The following ZNF678 variants were observed in gnomAD, a reference collection of about 807,000 sequenced individuals.
The protein encoded by ZNF678 is zinc finger protein 678.
ZNF678 carries 5 observed loss-of-function variants against 3.0 expected under a neutral mutation model. The observed-to-expected ratio is 1.69, with a 90% confidence interval of 0.88 to 3.56. ZNF678 has a LOEUF of 3.56. Ranked by LOEUF, ZNF678 falls within the 30% of genes most tolerant of loss-of-function variation. The pLI, the probability that ZNF678 is intolerant of heterozygous loss-of-function variation, is 0.00. For missense variants in ZNF678, 593 were observed against 605.0 expected (o/e 0.98, Z 0.21); for synonymous variants, 218 against 199.6 (o/e 1.09, Z -0.78).
intron 2 of ZNF678, among the ~76,000 whole-genome samples, chr1:227,649,428 A>G (rs913065140): frequency 8.5e-5 from 13 of 152,054 alleles, no homozygotes; most frequent in African/African-American, 2.9e-4. Flanking sequence ...TCAGCTCACT[A>G]TGACCTCCAC....
intron 1 of ZNF678, among the ~76,000 whole-genome samples, chr1:227,585,204 G>C (rs970122223): frequency 3.3e-5 from 5 of 152,176 alleles, no homozygotes; most frequent in African/African-American, 9.7e-5. Flanking sequence ...TTTCTGTCTA[G>C]ATCTGTTATG....
chr1:227,655,267 T>C lies in ZNF678; in HGVS notation c.1017T>C (p.His339=). The change falls in exon 4 of 4, where the codon CAT becomes CAC. Residue 339 remains histidine (H), a synonymous_variant. Transcript: ENST00000343776. The part of the protein sequence containing the change: ...TFNRCSHLSS[H]KRIHTGEKPY... ...ATCGGTGTTCACACCTAAGTAGCCA[T>C]AAGAGAATTCATACTGGAGAGAAAC... The C allele has an allele frequency of 6.2e-7, 1 of 1,612,306 alleles. No homozygotes were observed. Among genetic ancestry groups the C allele is most frequent in the Non-Finnish European group, 8.5e-7 (1 of 1,179,060 alleles).
intron 5 of ZNF678, among the ~76,000 whole-genome samples, chr1:227,671,273 C>T (rs913896510): frequency 2.6e-5 from 4 of 151,876 alleles, no homozygotes; most frequent in African/African-American, 9.7e-5. Flanking sequence ...AGAGACAGGA[C>T]CTTGCCATGT....
In ZNF678 at chr1:227,655,293, C is replaced by G. The variant is rs745468675; in HGVS notation, c.1043C>G (p.Pro348Arg). Residue 348 changes from proline to arginine, a missense_variant, in exon 4 of 4, where the codon CCC becomes CGC. By Grantham distance (103) the Pro-to-Arg change is moderately radical. Transcript: ENST00000343776. The part of the protein sequence containing the change: ...SHKRIHTGEK[P>R]YKCEECGRTF... Reference sequence around the variant, plus strand: ...AAGAGAATTCATACTGGAGAGAAACCCTACAAATGTGAAGAATGTGGCAGA... The same window carrying G: ...AAGAGAATTCATACTGGAGAGAAACGCTACAAATGTGAAGAATGTGGCAGA... 3.7e-6 allele frequency: 6 copies of G among 1,611,146 alleles called. No individual in the cohort carries two copies. Among genetic ancestry groups the G allele is most frequent in the Non-Finnish European group, 5.1e-6 (6 of 1,178,220 alleles).
chr1:227,660,952 T>C lies in ZNF678; in HGVS notation c.*5124T>C, dbSNP rs1659388814. 6.6e-6 allele frequency: 1 copy of C among 152,182 alleles called. No individual in the cohort carries two copies. The highest frequency in any genetic ancestry group is 6.5e-5 in the Admixed American group (1 of 15,268). 9.4% of individuals were successfully genotyped at this position (152,182 alleles called of 1,614,324 possible). A position where few individuals can be genotyped will look rare whatever the true frequency, so the allele number is the denominator to read the frequency against. Reference sequence around the variant, plus strand: ...CTAAAATTCTTTTTCTGCATTCACTTAAAAGTTATAATTGGTTCTGAGATC... The same window carrying C: ...CTAAAATTCTTTTTCTGCATTCACTCAAAAGTTATAATTGGTTCTGAGATC... On this transcript the variant is annotated 3_prime_UTR_variant, in exon 4 of 4. Coordinates refer to ENST00000343776, the MANE Select transcript of ZNF678 (RefSeq NM_001367909.1).
chr1:227,637,629 C>T (rs1658712954), intron 1 of ZNF678, among the ~76,000 whole-genome samples: 1 of 152,026 alleles, frequency 6.6e-6, no homozygotes, highest in African/African-American at 2.4e-5. Flanking sequence ...GGACGGGGGC[C>T]TGAAATGAGA....
intron 1 of ZNF678, among the ~76,000 whole-genome samples, chr1:227,573,742 A>T (rs983595586): frequency 2.5e-5 from 3 of 122,412 alleles, no homozygotes; most frequent in African/African-American, 1.0e-4. Context: ...GTGTCATGGG[A>T]GCTTGTTGTA....
At chr1:227,578,661 C>T (rs886945230) in intron 1 of ZNF678, among the ~76,000 whole-genome samples, 5 of 152,120 alleles carry the variant, frequency 3.3e-5, no homozygotes, top group Admixed American at 6.5e-5. Flanking sequence ...TGATTTTTAG[C>T]TTTCTTGCAT....
At chr1:227,632,893 T>C (rs947609794) in intron 1 of ZNF678, among the ~76,000 whole-genome samples, 1 of 152,214 alleles carries the variant, frequency 6.6e-6, no homozygotes, top group African/African-American at 2.4e-5. Context: ...CCTGGGGTTC[T>C]TGGCCTCATG....
At chr1:227,678,199 T>C (rs1659715221), downstream of ZNF678, among the ~76,000 whole-genome samples, 1 of 152,148 alleles carries the variant, frequency 6.6e-6, no homozygotes, top group Non-Finnish European at 1.5e-5. Context: ...CTGGGTCGAA[T>C]TGGTCAAATT....
intron 1 of ZNF678, among the ~76,000 whole-genome samples, chr1:227,640,395 G>T (rs1392971951): frequency 6.6e-6 from 1 of 151,958 alleles, no homozygotes; most frequent in Non-Finnish European, 1.5e-5. Context: ...TGGGAGGGGT[G>T]GGCAGCAGTC....
rs1367266548 is a variant in ZNF678, at chr1:227,661,667, A to G, written c.*5839A>G. On this transcript the variant is annotated 3_prime_UTR_variant, in exon 4 of 4. Transcript: ENST00000343776. ...AAGTTCAGCTCAGAGAGCTGCAGGA[A>G]CATTGGGGACATCTCCAAGTCACAG... The G allele has an allele frequency of 6.6e-6, 1 of 152,162 alleles. No individual in the cohort carries two copies. The highest frequency in any genetic ancestry group is 6.5e-5 in the Admixed American group (1 of 15,282). 9.4% of individuals were successfully genotyped at this position (152,162 alleles called of 1,614,324 possible).
intron 1 of ZNF678, among the ~76,000 whole-genome samples, chr1:227,635,515 TTGTG>T (rs56135481): frequency 0.029 from 3,695 of 127,946 alleles, 57 homozygotes; most frequent in African/African-American, 0.032. Flanking sequence ...GGGTGAACAT[TTGTG>T]TGTGTGTGTG....
At position 227,655,078 on chromosome 1, in the gene ZNF678, G is replaced by A; in HGVS notation, c.828G>A (p.Glu276=). 1.2e-6 allele frequency: 2 copies of A among 1,605,006 alleles called. No homozygotes were observed. Among genetic ancestry groups the A allele is most frequent in the Non-Finnish European group, 1.7e-6 (2 of 1,175,796 alleles). ...KCEECGNVFN[E]CSHLTRHRRI... ...AAGAATGTGGCAACGTTTTTAATGA[G>A]TGCTCACACCTAACTAGACATAGGA... is the stretch of plus-strand genomic sequence containing the variant. Residue 276 remains glutamate, a synonymous_variant, in exon 4 of 4, where the codon GAG becomes GAA. Coordinates refer to ENST00000343776, the MANE Select transcript of ZNF678 (RefSeq NM_001367909.1).
intron 1 of ZNF678, among the ~76,000 whole-genome samples, chr1:227,578,536 A>G (rs934846641): frequency 6.6e-6 from 1 of 152,164 alleles, no homozygotes; most frequent in African/African-American, 2.4e-5. Context: ...GTATTCTGCT[A>G]TTAATACTTG....
At chr1:227,675,889 G>T (rs905889134) in intron 5 of ZNF678, among the ~76,000 whole-genome samples, 2 of 152,200 alleles carry the variant, frequency 1.3e-5, no homozygotes, top group African/African-American at 4.8e-5. Context: ...TCTGCAAGGT[G>T]TTTGCCAGTA....
rs1434039014 is a variant in ZNF678, at chr1:227,563,804, C to T, written c.-164+80C>T. Reference sequence around the variant, plus strand: ...CACTAGAGTCCGCGGCCCGGAGTCCCGGCTGGCACCTGTGGGATCTGTCAC... The same window carrying T: ...CACTAGAGTCCGCGGCCCGGAGTCCTGGCTGGCACCTGTGGGATCTGTCAC... On this transcript the variant is annotated intron_variant, in intron 1 of 3. Coordinates refer to ENST00000343776, the MANE Select transcript of ZNF678 (RefSeq NM_001367909.1). 16 of 1,249,268 alleles carry T rather than the reference C, an allele frequency of 1.3e-5. No homozygotes were observed. The South Asian group carries it at 1.6e-4, about 13-fold the overall frequency. 77.4% of individuals were successfully genotyped at this position (1,249,268 alleles called of 1,614,324 possible).
chr1:227,639,123 C>A (rs577561581), intron 1 of ZNF678, among the ~76,000 whole-genome samples: 2 of 152,128 alleles, frequency 1.3e-5, no homozygotes, highest in Non-Finnish European at 2.9e-5. Flanking sequence ...TGGGGCCGCT[C>A]ATAGTCCAAC....
downstream of ZNF678, among the ~76,000 whole-genome samples, chr1:227,664,742 A>T (rs780300047): frequency 1.1e-4 from 17 of 152,066 alleles, no homozygotes; most frequent in Non-Finnish European, 2.2e-4. Flanking sequence ...GTTCTAAATT[A>T]TCTTGGGGTC....
Sources: allele counts gnomAD v4.1 joint callset (sites outside exome capture counted in the v4.1 genomes callset), GRCh38; gene constraint gnomAD v4.1.1; transcripts MANE v1.5; gene names NCBI Gene and HGNC (gene_info 2026-07-23, HGNC 2026-07-21).